The following NHS variants were observed in gnomAD, a reference collection of about 807,000 sequenced individuals.
The protein encoded by NHS is actin remodeling regulator NHS.
Under a neutral mutation model 72.5 loss-of-function variants are expected in NHS, and 5 were observed. That is an observed-to-expected ratio of 0.07 (90% confidence interval 0.04 to 0.14). The LOEUF is 0.14. NHS is among the 10% of genes least tolerant of loss of function. The probability of loss-of-function intolerance (pLI) is 1.00; values close to 1 mark genes in which losing one functional copy is unlikely to be tolerated. For missense variants in NHS, 1,072 were observed against 1,355.7 expected (o/e 0.79, Z 3.29); for synonymous variants, 464 against 547.7 (o/e 0.85, Z 2.13).
chrX:17,723,420 T>A (rs2066417347), intron 5 of NHS, among the ~76,000 whole-genome samples: 1 of 111,875 alleles, frequency 8.9e-6, no homozygotes, highest in South Asian at 3.8e-4. Flanking sequence ...GTGATGGGAC[T>A]GCATGTAATG....
At chrX:17,594,168 T>C (rs1283167523) in intron 1 of NHS, among the ~76,000 whole-genome samples, 1 of 112,030 alleles carries the variant, frequency 8.9e-6, no homozygotes, top group African/African-American at 3.3e-5. Context: ...TTCAGAAAAG[T>C]TGAATAACTG....
In NHS at chrX:17,624,370, A is replaced by C. The variant is rs141107512; in HGVS notation, c.566-63372A>C. 3.4e-4 allele frequency among the ~76,000 whole-genome samples: 38 copies of C among 112,396 alleles called. No individual in the cohort carries two copies. The East Asian group carries it at 0.011, about 31-fold the overall frequency. On this transcript the variant is annotated intron_variant, in intron 1 of 8. Coordinates refer to ENST00000676302, the MANE Select transcript of NHS (RefSeq NM_001291867.2). ...AAAAGCATCCAAATCATACAATTCA[A>C]GGAATTATTACAAAGTGAACACACT... is the stretch of plus-strand genomic sequence containing the variant.
At chrX:17,448,902 GATAATA>G (rs1162424869) in intron 1 of NHS, among the ~76,000 whole-genome samples, 6 of 112,487 alleles carry the variant, frequency 5.3e-5, no homozygotes, top group African/African-American at 1.3e-4. Flanking sequence ...TTGTCTAGAT[GATAATA>G]ATAATAATAT....
intron 1 of NHS, chrX:17,557,176 A>G: frequency 9.6e-6 from 1 of 104,652 alleles, no homozygotes; most frequent in Admixed American, 1.0e-4. Flanking sequence ...CTAAAGACAG[A>G]GAAGACCCCT....
At chrX:17,674,132 C>A (rs2066065735) in intron 1 of NHS, among the ~76,000 whole-genome samples, 1 of 111,925 alleles carries the variant, frequency 8.9e-6, no homozygotes, top group East Asian at 2.8e-4. Flanking sequence ...GCTGGGGCCT[C>A]CAGTACACTC....
intron 1 of NHS, among the ~76,000 whole-genome samples, chrX:17,564,962 C>T (rs900312636): frequency 9.2e-6 from 1 of 108,540 alleles, no homozygotes; most frequent in Admixed American, 9.7e-5. Context: ...AAATTGGGTA[C>T]AGCCACATTT....
chrX:17,424,881 T>A (rs1389276487), intron 1 of NHS, among the ~76,000 whole-genome samples: 1 of 111,427 alleles, frequency 9.0e-6, no homozygotes, highest in African/African-American at 3.3e-5. Context: ...AGGGAAAGTA[T>A]CTTGTATATT....
At chrX:17,471,665 C>T (rs2064892982) in intron 1 of NHS, among the ~76,000 whole-genome samples, 1 of 111,738 alleles carries the variant, frequency 8.9e-6, no homozygotes, top group African/African-American at 3.3e-5. Context: ...GAAGGTTATG[C>T]TAGAATGAAA....
At position 17,665,033 on chromosome X, in the gene NHS, AAAT is replaced by A. The variant is rs771709915; in HGVS notation, c.566-22704_566-22702del. On this transcript the variant is annotated intron_variant, in intron 1 of 8. Transcript: ENST00000676302. ...TACTAGTTTATATATAATAATACAT[AAAT>A]AATATATAATCAATTATATTTATAT... 3.4e-3 allele frequency among the ~76,000 whole-genome samples: 377 copies of A among 109,530 alleles called. 1 individual carries two copies. The highest frequency in any genetic ancestry group is 0.012 in the African/African-American group (353 of 30,518).
At chrX:17,681,861 T>C (rs2147107607) in intron 1 of NHS, among the ~76,000 whole-genome samples, 1 of 111,797 alleles carries the variant, frequency 8.9e-6, no homozygotes. Flanking sequence ...GTTCTGTAAG[T>C]GTTGGAATGT....
At chrX:17,477,406 G>A (rs765728753) in intron 1 of NHS, among the ~76,000 whole-genome samples, 11 of 112,269 alleles carry the variant, frequency 9.8e-5, no homozygotes, top group Admixed American at 3.8e-4. Flanking sequence ...AGCTGCATGG[G>A]TAAGGCATGA....
intron 1 of NHS, among the ~76,000 whole-genome samples, chrX:17,396,981 C>T (rs1264097432): frequency 8.9e-6 from 1 of 112,151 alleles, no homozygotes; most frequent in Non-Finnish European, 1.9e-5. Context: ...CTAAATTCAC[C>T]AGACTTCTTT....
intron 1 of NHS, among the ~76,000 whole-genome samples, chrX:17,600,543 TA>T (rs2147049679): frequency 8.9e-6 from 1 of 112,598 alleles, no homozygotes; most frequent in Non-Finnish European, 1.9e-5. Context: ...AAAACAGCAC[TA>T]GGGTATGGAC....
intron 1 of NHS, among the ~76,000 whole-genome samples, chrX:17,624,004 A>G (rs1474142295): frequency 8.8e-6 from 1 of 113,135 alleles, no homozygotes; most frequent in Non-Finnish European, 1.9e-5. Context: ...CTACGCAGCC[A>G]GGCAGCCAGC....
intron 1 of NHS, among the ~76,000 whole-genome samples, chrX:17,508,680 G>C (rs1420191710): frequency 9.0e-6 from 1 of 111,298 alleles, no homozygotes; most frequent in Non-Finnish European, 1.9e-5. Context: ...ATGTTGGCCA[G>C]GCTAGACTTG....
chrX:17,464,656 A>G (rs1010750402), intron 1 of NHS, among the ~76,000 whole-genome samples: 1 of 113,060 alleles, frequency 8.8e-6, no homozygotes, highest in Non-Finnish European at 1.9e-5. Context: ...GGTTGGTGCC[A>G]GCAGCCAGCT....
At chrX:17,381,225 T>C (rs534133617) in intron 1 of NHS, among the ~76,000 whole-genome samples, 1 of 112,121 alleles carries the variant, frequency 8.9e-6, no homozygotes, top group Admixed American at 9.4e-5. Flanking sequence ...TGTTCATCTT[T>C]AGACATTTTA....
In NHS at chrX:17,528,986, C is replaced by T. The variant is rs575014703; in HGVS notation, c.565+152664C>T. 1.6e-4 allele frequency among the ~76,000 whole-genome samples: 18 copies of T among 110,798 alleles called. No individual in the cohort carries two copies. The South Asian group carries it at 6.6e-3, about 41-fold the overall frequency. Reference sequence around the variant, plus strand: ...ATCTGGGATGTGTTAGACATCCCTCCCTTCCTTCTTTTTCTTTGTTTTCCC... The same window carrying T: ...ATCTGGGATGTGTTAGACATCCCTCTCTTCCTTCTTTTTCTTTGTTTTCCC... On this transcript the variant is annotated intron_variant, in intron 1 of 8. Transcript: ENST00000676302.
rs141319213 is a variant in NHS, at chrX:17,541,134, A to G, written c.566-146608A>G. On this transcript the variant is annotated intron_variant, in intron 1 of 8. Transcript: ENST00000676302. ...TGCCTTGCCTTTAGTGGATTACTTG[A>G]ATCAACCCATGTGACTTTCTCCACA... Among the ~76,000 whole-genome samples, 797 of 112,369 alleles carry G rather than the reference A, an allele frequency of 7.1e-3. 9 individuals are homozygous for G. Among genetic ancestry groups the G allele is most frequent in the South Asian group, 0.047 (126 of 2,669 alleles).
Sources: allele counts gnomAD v4.1 joint callset (sites outside exome capture counted in the v4.1 genomes callset), GRCh38; gene constraint gnomAD v4.1.1; transcripts MANE v1.5; gene names NCBI Gene and HGNC (gene_info 2026-07-23, HGNC 2026-07-21).